The following LIMD1 variants were observed in gnomAD, a reference collection of about 807,000 sequenced individuals.
The protein encoded by LIMD1 is LIM domain containing 1, also known as LIM domain-containing protein 1.
In LIMD1, 23 loss-of-function variants were observed where a neutral mutation model predicts 58.4. That is an observed-to-expected ratio of 0.39 (90% CI 0.28 to 0.56). The LOEUF (loss-of-function observed/expected upper bound fraction) is 0.56. Among genes scored for constraint, LIMD1 ranks in the 20% least tolerant of loss-of-function variants. LIMD1 has a pLI of 0.57. For missense variants in LIMD1, 838 were observed against 855.5 expected (o/e 0.98, Z 0.25); for synonymous variants, 334 against 345.5 (o/e 0.97, Z 0.37).
rs898062366 is a variant in LIMD1 at position 45,598,507 on chromosome 3, A to C, written c.1408+2220A>C. On this transcript the variant is annotated intron_variant, in intron 1 of 7. Coordinates refer to ENST00000273317, the MANE Select transcript of LIMD1 (RefSeq NM_014240.3). Reference sequence around the variant, plus strand: ...ACTCATCCATTCAGCATATATTAAAATTTATTGAGCACCTATCTTGAGGCC... The same window carrying C: ...ACTCATCCATTCAGCATATATTAAACTTTATTGAGCACCTATCTTGAGGCC... Among the ~76,000 whole-genome samples the C allele has an allele frequency of 3.3e-5, 5 of 152,336 alleles. No homozygotes were observed. In the East Asian group the frequency reaches 7.7e-4, roughly 23 times the overall value.
intron 2 of LIMD1, among the ~76,000 whole-genome samples, chr3:45,647,823 C>T (rs1443674894): frequency 6.6e-6 from 1 of 152,182 alleles, no homozygotes; most frequent in African/African-American, 2.4e-5. Flanking sequence ...CTATCCCCCT[C>T]CTCCGCTGCC....
intron 4 of LIMD1, among the ~76,000 whole-genome samples, chr3:45,669,459 C>G (rs1697562807): frequency 6.6e-6 from 1 of 152,192 alleles, no homozygotes; most frequent in South Asian, 2.1e-4. Context: ...GTAAAAGATA[C>G]TAATCTTAAG....
At chr3:45,674,041 A>G (rs1697633537) in intron 6 of LIMD1, 1 of 351,726 alleles carries the variant, frequency 2.8e-6, no homozygotes, top group Non-Finnish European at 5.3e-6. Context: ...TAATTCTTAG[A>G]TTAGCAGATG....
chr3:45,604,593 G>A lies in LIMD1; in HGVS notation c.1408+8306G>A, dbSNP rs72880749. On this transcript the variant is annotated intron_variant, in intron 1 of 7. Coordinates refer to ENST00000273317, the MANE Select transcript of LIMD1 (RefSeq NM_014240.3). ...ACCCTCGCTCTGGCCCACCCCTCCT[G>A]TGCCTCACCTTGCTCCTTCTTCCCC... 6.3e-3 allele frequency among the ~76,000 whole-genome samples: 962 copies of A among 152,242 alleles called. 5 individuals carry two copies. Among genetic ancestry groups the A allele is most frequent in the African/African-American group, 0.022 (906 of 41,558 alleles).
intron 1 of LIMD1, among the ~76,000 whole-genome samples, chr3:45,598,732 G>A (rs1268071617): frequency 2.0e-5 from 3 of 152,204 alleles, no homozygotes; most frequent in Non-Finnish European, 4.4e-5. Context: ...TTTAAATTGG[G>A]TGATCAGGGA....
At chr3:45,602,765 G>GTC (rs1184224856) in intron 1 of LIMD1, among the ~76,000 whole-genome samples, 3 of 151,850 alleles carry the variant, frequency 2.0e-5, no homozygotes, top group Non-Finnish European at 2.9e-5. Flanking sequence ...CTATCTGCAT[G>GTC]TCTACATGAC....
chr3:45,668,856 C>T (rs1365859553), intron 4 of LIMD1, among the ~76,000 whole-genome samples: 2 of 152,152 alleles, frequency 1.3e-5, no homozygotes, highest in Non-Finnish European at 2.9e-5. Flanking sequence ...CTAGAGCACA[C>T]GCTATCATGT....
At chr3:45,656,525 CTT>C (rs1222324429) in intron 2 of LIMD1, among the ~76,000 whole-genome samples, 1 of 143,782 alleles carries the variant, frequency 7.0e-6, no homozygotes. Flanking sequence ...CTTTTTCTTT[CTT>C]TTTTTTTTTG....
intron 2 of LIMD1, among the ~76,000 whole-genome samples, chr3:45,664,862 C>T (rs936814291): frequency 2.1e-4 from 32 of 152,166 alleles, no homozygotes; most frequent in Non-Finnish European, 4.1e-4. Flanking sequence ...GTTTCTGAAA[C>T]CCCCACATTG....
chr3:45,650,695 C>T (rs1024039738), intron 2 of LIMD1, among the ~76,000 whole-genome samples: 1 of 152,120 alleles, frequency 6.6e-6, no homozygotes, highest in East Asian at 1.9e-4. Context: ...CATAGTATTC[C>T]GTGGTGTATA....
chr3:45,625,542 GT>G (rs1701661755), intron 1 of LIMD1, among the ~76,000 whole-genome samples: 1 of 152,062 alleles, frequency 6.6e-6, no homozygotes, highest in Admixed American at 6.5e-5. Context: ...ATCCTTTGGG[GT>G]TTGAATATGC....
At chr3:45,673,534 G>T (rs1559526909) in intron 6 of LIMD1, 29 bp downstream of exon 6, 1 of 1,582,118 alleles carries the variant, frequency 6.3e-7, no homozygotes, top group Non-Finnish European at 8.7e-7. Flanking sequence ...CATGCTCCCA[G>T]GGGCTTCTAA....
At chr3:45,611,318 C>T (rs985979972) in intron 1 of LIMD1, among the ~76,000 whole-genome samples, 2 of 152,228 alleles carry the variant, frequency 1.3e-5, no homozygotes, top group African/African-American at 4.8e-5. Context: ...CCCACGCAGC[C>T]TTAGAACGAA....
At chr3:45,647,513 G>A (rs1185171778) in intron 2 of LIMD1, among the ~76,000 whole-genome samples, 1 of 152,116 alleles carries the variant, frequency 6.6e-6, no homozygotes, top group East Asian at 1.9e-4. Flanking sequence ...TGTGTTCAGG[G>A]GCAGGGTGAC....
chr3:45,663,286 C>T (rs1697467937), intron 2 of LIMD1, among the ~76,000 whole-genome samples: 1 of 152,196 alleles, frequency 6.6e-6, no homozygotes, highest in Non-Finnish European at 1.5e-5. Flanking sequence ...TGTCTGTCCT[C>T]ATGCATGTTT....
At chr3:45,637,299 G>A (rs1341432941) in intron 2 of LIMD1, among the ~76,000 whole-genome samples, 1 of 68,092 alleles carries the variant, frequency 1.5e-5, no homozygotes, top group Non-Finnish European at 2.8e-5. Context: ...TTTTTTTTTT[G>A]AGACGGAGTC....
At chr3:45,632,820 G>A (rs920145967) in intron 1 of LIMD1, among the ~76,000 whole-genome samples, 11 of 152,260 alleles carry the variant, frequency 7.2e-5, no homozygotes, top group South Asian at 6.2e-4. Context: ...CACTTGGCTC[G>A]GCCTGGTCCA....
intron 4 of LIMD1, among the ~76,000 whole-genome samples, 185 bp from the exon 5 acceptor site, chr3:45,672,505 T>A (rs747003606): frequency 1.2e-4 from 19 of 152,196 alleles, no homozygotes; most frequent in Non-Finnish European, 2.6e-4. Context: ...CTCTTCTGTG[T>A]ATTCATCTAA....
intron 1 of LIMD1, among the ~76,000 whole-genome samples, chr3:45,628,084 G>C (rs1701684716): frequency 6.6e-6 from 1 of 152,034 alleles, no homozygotes. Flanking sequence ...ATTCTTGAGA[G>C]ATAGGAAGCA....
Sources: allele counts gnomAD v4.1 joint callset (sites outside exome capture counted in the v4.1 genomes callset), GRCh38; gene constraint gnomAD v4.1.1; transcripts MANE v1.5; gene names NCBI Gene and HGNC (gene_info 2026-07-23, HGNC 2026-07-21).